The following PCDH15 variants were observed in gnomAD, a reference collection of about 807,000 sequenced individuals.
PCDH15 encodes protocadherin related 15.
In PCDH15, 129 loss-of-function variants were observed where a neutral mutation model predicts 178.5. That is an observed-to-expected ratio of 0.72 (90% CI 0.63 to 0.84). The LOEUF is 0.84. Among genes scored for constraint, PCDH15 ranks in the 40% least tolerant of loss-of-function variants. The pLI is 0.00. For synonymous variants in PCDH15, 800 were observed against 732.0 expected (o/e 1.09, Z -1.50); for missense variants, 2,230 against 2,099.9 (o/e 1.06, Z -1.21).
chr10:54,971,778 C>T (rs1838939867), intron 2 of PCDH15, among the ~76,000 whole-genome samples: 1 of 152,166 alleles, frequency 6.6e-6, no homozygotes, highest in Non-Finnish European at 1.5e-5. Flanking sequence ...AATGTAAAGG[C>T]AGCCATGGCT....
chr10:54,596,651 A>G (rs764225006), intron 2 of PCDH15, among the ~76,000 whole-genome samples: 53 of 152,176 alleles, frequency 3.5e-4, no homozygotes, highest in Admixed American at 3.0e-3. Context: ...AAGGCACAGA[A>G]TGTAAGCTGG....
chr10:54,331,010 AAGG>A (rs927798010), intron 6 of PCDH15, among the ~76,000 whole-genome samples: 11 of 151,680 alleles, frequency 7.3e-5, no homozygotes, highest in African/African-American at 2.7e-4. Flanking sequence ...AGGCAAGGGG[AAGG>A]AGAAGAGAAA....
chr10:54,625,026 T>G (rs10825368), intron 2 of PCDH15, among the ~76,000 whole-genome samples: 23,532 of 152,146 alleles, frequency 0.15, 2,393 homozygotes, highest in Non-Finnish European at 0.21. Flanking sequence ...CCCACCCCAC[T>G]GGGTCCGTAG....
At chr10:55,038,297 G>A (rs7068882) in intron 2 of PCDH15, among the ~76,000 whole-genome samples, 86,621 of 151,966 alleles carry the variant, frequency 0.57, 25,030 homozygotes, top group East Asian at 0.75. Flanking sequence ...CCAAGAGTAA[G>A]TTTTTCTATA....
chr10:54,531,260 C>T lies in PCDH15; in HGVS notation c.92-3383G>A, dbSNP rs533645022. 2.6e-5 allele frequency among the ~76,000 whole-genome samples: 4 copies of T among 152,220 alleles called. No individual in the cohort carries two copies. In the East Asian group the frequency reaches 7.7e-4, roughly 29 times the overall value. On this transcript the variant is annotated intron_variant, in intron 2 of 37. Transcript: ENST00000644397. ...TGCCTAAAGTTTCTAGCCTGTTAGGCCTATACTCATTTTCCATATCCAATT... is the reference window on the plus strand; with the variant it reads ...TGCCTAAAGTTTCTAGCCTGTTAGGTCTATACTCATTTTCCATATCCAATT...
intron 26 of PCDH15, among the ~76,000 whole-genome samples, chr10:53,892,869 CA>C (rs1379900375): frequency 2.0e-5 from 3 of 152,020 alleles, no homozygotes; most frequent in Non-Finnish European, 4.4e-5. Context: ...AGTGTAGAAA[CA>C]GAATAGATTT....
chr10:55,255,972 T>A (rs2132229236), intron 1 of PCDH15, among the ~76,000 whole-genome samples: 1 of 152,338 alleles, frequency 6.6e-6, no homozygotes, highest in South Asian at 2.1e-4. Context: ...CATTTGTCAA[T>A]TTTGGCTTTT....
At chr10:55,191,617 A>T (rs1460423087) in intron 1 of PCDH15, among the ~76,000 whole-genome samples, 1 of 151,932 alleles carries the variant, frequency 6.6e-6, no homozygotes, top group Non-Finnish European at 1.5e-5. Context: ...ACATTACAAG[A>T]TGTTTGCAAC....
intron 2 of PCDH15, among the ~76,000 whole-genome samples, chr10:55,376,342 C>G (rs1292613934): frequency 6.6e-6 from 1 of 152,092 alleles, no homozygotes; most frequent in Non-Finnish European, 1.5e-5. Context: ...TATGAGAAAA[C>G]TGAGACTTCA....
At chr10:55,342,668 A>G (rs1285462408) in intron 2 of PCDH15, among the ~76,000 whole-genome samples, 1 of 152,088 alleles carries the variant, frequency 6.6e-6, no homozygotes, top group Non-Finnish European at 1.5e-5. Flanking sequence ...TGGCAGGACT[A>G]AAATTAGAAG....
chr10:53,910,281 G>A (rs1347688746), intron 25 of PCDH15, among the ~76,000 whole-genome samples: 1 of 152,132 alleles, frequency 6.6e-6, no homozygotes, highest in Admixed American at 6.5e-5. Context: ...CATACAGGTG[G>A]GTGGCTCTCT....
chr10:54,849,040 A>T (rs1320111814), intron 3 of PCDH15, among the ~76,000 whole-genome samples: 3 of 108,176 alleles, frequency 2.8e-5, no homozygotes, highest in African/African-American at 8.0e-5. Context: ...TATAAAATTT[A>T]AAAAAAATTA....
chr10:53,945,273 AT>A (rs1375769936), intron 23 of PCDH15, among the ~76,000 whole-genome samples: 3 of 152,162 alleles, frequency 2.0e-5, no homozygotes, highest in Non-Finnish European at 2.9e-5. Context: ...TGGTCTCAGA[AT>A]TTTTTGTATT....
rs374243888 is a variant in PCDH15 at position 54,430,260 on chromosome 10, TGGTCAGGTG to T, written c.158-51327_158-51319del. Among the ~76,000 whole-genome samples the T allele has an allele frequency of 6.8e-3, 1,031 of 152,144 alleles. 6 individuals are homozygous for T. The highest frequency in any genetic ancestry group is 0.023 in the African/African-American group (934 of 41,506). On this transcript the variant is annotated intron_variant, in intron 3 of 37. Transcript: ENST00000644397. ...TAGTAGAGACCGGGTTTCACCATGT[TGGTCAGGTG>T]GTCTTGAACTCCTGACCTTAGGTGA... is the stretch of plus-strand genomic sequence containing the variant.
At chr10:55,358,417 T>A (rs188518554) in intron 2 of PCDH15, among the ~76,000 whole-genome samples, 1 of 152,154 alleles carries the variant, frequency 6.6e-6, no homozygotes, top group Non-Finnish European at 1.5e-5. Context: ...TGCCAATCAT[T>A]TCCATTTATC....
chr10:55,039,038 A>T (rs568972126), intron 2 of PCDH15, among the ~76,000 whole-genome samples: 14 of 152,136 alleles, frequency 9.2e-5, no homozygotes, highest in Non-Finnish European at 2.1e-4. Flanking sequence ...TCTTTTAAAA[A>T]TTTTCTCATT....
At chr10:54,999,752 C>T (rs1022853969) in intron 2 of PCDH15, among the ~76,000 whole-genome samples, 5 of 152,170 alleles carry the variant, frequency 3.3e-5, no homozygotes, top group East Asian at 1.9e-4. Flanking sequence ...CGATATTTCA[C>T]GTAGGTTCTT....
chr10:54,779,453 C>CATATATATATACACATAT (rs1950079222), intron 1 of PCDH15, among the ~76,000 whole-genome samples: 1 of 114,262 alleles, frequency 8.8e-6, no homozygotes, highest in Admixed American at 8.9e-5. Flanking sequence ...TATATACACT[C>CATATATATATACACATAT]ATATATGTGT....
chr10:54,741,047 G>A (rs1420026288), intron 1 of PCDH15, among the ~76,000 whole-genome samples: 1 of 151,836 alleles, frequency 6.6e-6, no homozygotes, highest in African/African-American at 2.4e-5. Flanking sequence ...AATGATAAAT[G>A]TGTAAGATGA....
Sources: allele counts gnomAD v4.1 joint callset (sites outside exome capture counted in the v4.1 genomes callset), GRCh38; gene constraint gnomAD v4.1.1; transcripts MANE v1.5; gene names NCBI Gene and HGNC (gene_info 2026-07-23, HGNC 2026-07-21).